The following CSMD1 variants were observed in gnomAD, a reference collection of about 807,000 sequenced individuals.
CSMD1 encodes CUB and sushi domain-containing protein 1.
CSMD1 carries 213 observed loss-of-function variants against 417.5 expected under a neutral mutation model. The ratio of observed to expected loss-of-function variants is 0.51; its 90% CI spans 0.46 to 0.57. The LOEUF (loss-of-function observed/expected upper bound fraction) is 0.57, where lower values mean the gene tolerates loss of function less well. Ranked by LOEUF, CSMD1 falls within the 20% of genes least tolerant of loss-of-function variation. The pLI, the probability that CSMD1 is intolerant of heterozygous loss-of-function variation, is 0.00. For synonymous variants in CSMD1, 2,862 were observed against 1,736.8 expected (o/e 1.65, Z -16.11); for missense variants, 6,923 against 4,529.7 (o/e 1.53, Z -15.17).
chr8:3,756,541 T>A (rs188168580), intron 5 of CSMD1, among the ~76,000 whole-genome samples: 1 of 152,158 alleles, frequency 6.6e-6, no homozygotes, highest in Non-Finnish European at 1.5e-5. Context: ...ACGATCCTAA[T>A]GTAAAATATA....
chr8:4,961,993 T>A (rs565096252), intron 1 of CSMD1, among the ~76,000 whole-genome samples: 1 of 152,180 alleles, frequency 6.6e-6, no homozygotes, highest in South Asian at 2.1e-4. Context: ...TGTACATGGA[T>A]ACAAAATTTC....
Position 2,966,561 on chromosome 8 carries a change from C to T in CSMD1, c.9100+9G>A, listed in dbSNP as rs73657532. On this transcript the variant is annotated intron_variant, in intron 58 of 69. Coordinates refer to ENST00000635120, the MANE Select transcript of CSMD1 (RefSeq NM_033225.6). ...ACGTCTGAGTCTACCATGATGTCTG[C>T]TTACTAACTTGTGCAGTCGGGAGCA... 1 of 1,610,264 alleles carries T rather than the reference C, an allele frequency of 6.2e-7. No homozygotes were observed. The highest frequency in any genetic ancestry group is 1.7e-5 in the Admixed American group (1 of 59,722).
intron 4 of CSMD1, among the ~76,000 whole-genome samples, chr8:4,019,331 C>T (rs1348450889): frequency 6.6e-6 from 1 of 152,164 alleles, no homozygotes; most frequent in Non-Finnish European, 1.5e-5. Flanking sequence ...CTCTCTCTTG[C>T]TTATCTGGGA....
rs562355957 is a variant in CSMD1, at chr8:3,591,111, T to C, written c.1098-4851A>G. Reference sequence around the variant, plus strand: ...TAATTACGTTGCACAACTGAGACAATTGTTAGTAGTTAGTAACTGTAAGAA... The same window carrying C: ...TAATTACGTTGCACAACTGAGACAACTGTTAGTAGTTAGTAACTGTAAGAA... On this transcript the variant is annotated intron_variant, in intron 8 of 69. Coordinates refer to ENST00000635120, the MANE Select transcript of CSMD1 (RefSeq NM_033225.6). 1.2e-4 allele frequency among the ~76,000 whole-genome samples: 18 copies of C among 152,294 alleles called. No individual in the cohort carries two copies. In the East Asian group the frequency reaches 2.9e-3, roughly 24 times the overall value.
At chr8:3,934,423 T>G (rs1174828040) in intron 5 of CSMD1, among the ~76,000 whole-genome samples, 1 of 152,214 alleles carries the variant, frequency 6.6e-6, no homozygotes, top group African/African-American at 2.4e-5. Flanking sequence ...ACACCGGTAG[T>G]AATTGTTAAA....
At chr8:4,045,452 G>C (rs889905248) in intron 3 of CSMD1, among the ~76,000 whole-genome samples, 7 of 152,204 alleles carry the variant, frequency 4.6e-5, no homozygotes, top group African/African-American at 1.7e-4. Context: ...GAGAACGTCG[G>C]AAGGGCCACT....
At chr8:3,026,938 C>G (rs143425466) in intron 51 of CSMD1, among the ~76,000 whole-genome samples, 1 of 151,922 alleles carries the variant, frequency 6.6e-6, no homozygotes, top group Non-Finnish European at 1.5e-5. Flanking sequence ...ATGTCATTTC[C>G]AAAACATTGA....
rs576823963 is a variant in CSMD1, at chr8:4,682,228, C to G, written c.86-44670G>C. ...TTGTTTTTGTAGAGATGGGATTTCA[C>G]TATGTTGCCCAGGCTGGTCTCAAAC... On this transcript the variant is annotated intron_variant, in intron 1 of 69. Transcript: ENST00000635120. Among the ~76,000 whole-genome samples the G allele has an allele frequency of 9.3e-4, 142 of 152,194 alleles. 1 individual carries two copies. The highest frequency in any genetic ancestry group is 1.8e-3 in the Non-Finnish European group (123 of 68,010).
chr8:4,744,545 G>A (rs11776625), intron 1 of CSMD1, among the ~76,000 whole-genome samples: 10,629 of 152,224 alleles, frequency 0.07, 452 homozygotes, highest in Middle Eastern at 0.16. Context: ...TATATTTAGA[G>A]TAGCTACCTC....
intron 3 of CSMD1, among the ~76,000 whole-genome samples, chr8:4,097,955 G>A (rs915653153): frequency 6.6e-6 from 1 of 152,128 alleles, no homozygotes; most frequent in African/African-American, 2.4e-5. Flanking sequence ...TTTGATCATG[G>A]TATGTTCTTA....
intron 21 of CSMD1, among the ~76,000 whole-genome samples, chr8:3,357,804 C>A (rs981557656): frequency 6.6e-6 from 1 of 152,042 alleles, no homozygotes; most frequent in Non-Finnish European, 1.5e-5. Context: ...AATTTGCCTT[C>A]CATTCTCAAA....
intron 1 of CSMD1, among the ~76,000 whole-genome samples, chr8:4,795,252 C>CTGTTTTTTTTTT (rs1797912663): frequency 2.2e-5 from 1 of 46,226 alleles, no homozygotes; most frequent in Non-Finnish European, 4.2e-5. Flanking sequence ...GGTGTCATAG[C>CTGTTTTTTTTTT]TTTTTTTTTT....
chr8:4,686,370 A>G (rs1806387556), intron 1 of CSMD1, among the ~76,000 whole-genome samples: 2 of 152,340 alleles, frequency 1.3e-5, no homozygotes, highest in Admixed American at 1.3e-4. Flanking sequence ...GCACTCTGAC[A>G]TTTGAGAAAA....
chr8:4,289,578 G>A (rs1038219443), intron 3 of CSMD1, among the ~76,000 whole-genome samples: 1 of 152,166 alleles, frequency 6.6e-6, no homozygotes, highest in African/African-American at 2.4e-5. Flanking sequence ...ATCACATTTT[G>A]TCCAGGTCTG....
intron 23 of CSMD1, among the ~76,000 whole-genome samples, chr8:3,321,495 C>A (rs991030890): frequency 2.6e-5 from 4 of 152,096 alleles, no homozygotes; most frequent in Non-Finnish European, 5.9e-5. Flanking sequence ...AGGTGCTCTG[C>A]GTGTATCTAA....
intron 51 of CSMD1, among the ~76,000 whole-genome samples, chr8:3,024,323 G>A (rs919298435): frequency 1.3e-5 from 2 of 150,894 alleles, no homozygotes; most frequent in Admixed American, 6.6e-5. Context: ...GGGGGAGGTT[G>A]GGGACAGAGT....
At chr8:3,947,655 T>C (rs1811323956) in intron 5 of CSMD1, among the ~76,000 whole-genome samples, 1 of 152,228 alleles carries the variant, frequency 6.6e-6, no homozygotes, top group Admixed American at 6.5e-5. Context: ...CAATTTACAG[T>C]TTAATTATGT....
intron 1 of CSMD1, among the ~76,000 whole-genome samples, chr8:4,794,613 G>C (rs746142588): frequency 6.6e-6 from 1 of 152,074 alleles, no homozygotes; most frequent in Non-Finnish European, 1.5e-5. Flanking sequence ...GGGCTGCAAG[G>C]CTGATGTGCT....
At chr8:3,876,784 A>C (rs1172499217) in intron 5 of CSMD1, among the ~76,000 whole-genome samples, 2 of 152,022 alleles carry the variant, frequency 1.3e-5, no homozygotes, top group African/African-American at 4.8e-5. Context: ...AAGTTTTTAA[A>C]AATTTTTTGT....
Sources: gnomAD v4.1 joint callset for allele counts (sites outside exome capture counted in the v4.1 genomes callset) on GRCh38, gnomAD v4.1.1 for gene constraint, MANE v1.5 for transcripts, NCBI Gene and HGNC (gene_info 2026-07-23, HGNC 2026-07-21) for gene names.